ATRNL1: variants seen among roughly 807,000 people sequenced by gnomAD.
ATRNL1 encodes attractin like 1, also known as attractin-like protein 1.
In ATRNL1, 95 loss-of-function variants were observed where a neutral mutation model predicts 182.7. That is an observed-to-expected ratio of 0.52 (90% CI 0.44 to 0.62). ATRNL1 has a LOEUF of 0.62. Ranked by LOEUF, ATRNL1 falls within the 20% of genes least tolerant of loss-of-function variation. ATRNL1 has a pLI of 0.00. For missense variants in ATRNL1, 1,471 were observed against 1,679.5 expected, an observed-to-expected ratio of 0.88 and a Z score of 2.17; for synonymous variants, 576 against 568.3, an observed-to-expected ratio of 1.01 and a Z score of -0.19.
At chr10:115,583,047 G>A (rs1351853903) in intron 26 of ATRNL1, among the ~76,000 whole-genome samples, 1 of 149,560 alleles carries the variant, frequency 6.7e-6, no homozygotes, top group African/African-American at 2.4e-5. Context: ...TCAAAGATCA[G>A]ATAGTTGTAC....
intron 18 of ATRNL1, among the ~76,000 whole-genome samples, chr10:115,316,498 G>T (rs1554929735): frequency 6.6e-6 from 1 of 151,816 alleles, no homozygotes; most frequent in African/African-American, 2.4e-5. Flanking sequence ...TGGGTCAAAT[G>T]GTATTTCTGG....
chr10:115,096,400 A>C (rs1205895882), intron 1 of ATRNL1, among the ~76,000 whole-genome samples: 1 of 152,214 alleles, frequency 6.6e-6, no homozygotes, highest in Non-Finnish European at 1.5e-5. Flanking sequence ...AAGTACATGC[A>C]AATAAACCTA....
In ATRNL1 at chr10:115,218,932, T is replaced by G. The variant is rs139197110; in HGVS notation, c.1532+3052T>G. On this transcript the variant is annotated intron_variant, in intron 9 of 28. Coordinates refer to ENST00000355044, the MANE Select transcript of ATRNL1 (RefSeq NM_207303.4). ...CCCACCTTTAGAAAGCCACCTCACT[T>G]CTGTGTATAAGAGAAGACATGCGGC... Among the ~76,000 whole-genome samples the G allele has an allele frequency of 3.9e-4, 59 of 152,152 alleles. No homozygotes were observed. In the East Asian group the frequency reaches 0.01, roughly 26 times the overall value.
At chr10:115,770,242 T>A (rs1403838907) in intron 27 of ATRNL1, among the ~76,000 whole-genome samples, 2 of 152,092 alleles carry the variant, frequency 1.3e-5, no homozygotes, top group African/African-American at 2.4e-5. Flanking sequence ...AAATTGCTAT[T>A]TTAAGCCTAA....
chr10:115,544,551 A>G (rs1554993068), intron 25 of ATRNL1, among the ~76,000 whole-genome samples: 1 of 152,162 alleles, frequency 6.6e-6, no homozygotes, highest in Non-Finnish European at 1.5e-5. Context: ...AGGAAGGAGA[A>G]GTGCCACACA....
chr10:115,486,330 C>T (rs1366236048), intron 24 of ATRNL1, among the ~76,000 whole-genome samples: 2 of 152,110 alleles, frequency 1.3e-5, no homozygotes, highest in East Asian at 1.9e-4. Flanking sequence ...CACTGTCTTC[C>T]ACAATGGTTG....
intron 25 of ATRNL1, 50 bp from the exon 26 acceptor site, chr10:115,549,408 C>A (rs781995956): frequency 3.0e-5 from 42 of 1,384,510 alleles, no homozygotes; most frequent in Non-Finnish European, 3.7e-5. Flanking sequence ...TTTTTCATTA[C>A]ATAGTTCAAA....
chr10:115,550,792 A>T (rs1471390685), intron 26 of ATRNL1, among the ~76,000 whole-genome samples: 2 of 151,812 alleles, frequency 1.3e-5, no homozygotes, highest in Non-Finnish European at 1.5e-5. Flanking sequence ...GAAAAATCAT[A>T]ATTATAGGCA....
Position 115,878,771 on chromosome 10 carries a change from CT to C in ATRNL1, c.4018+30781del, listed in dbSNP as rs535841702. Reference sequence around the variant, plus strand: ...TTAATACCATGTAATACTAGTGCCCCTGATACTGTGTATAAATGAGGCATAC... The same window carrying C: ...TTAATACCATGTAATACTAGTGCCCCGATACTGTGTATAAATGAGGCATAC... On this transcript the variant is annotated intron_variant, in intron 28 of 28. Coordinates refer to ENST00000355044, the MANE Select transcript of ATRNL1 (RefSeq NM_207303.4). Among the ~76,000 whole-genome samples, 762 of 152,232 alleles carry C rather than the reference CT, an allele frequency of 5.0e-3. 6 individuals are homozygous for C. Among genetic ancestry groups the C allele is most frequent in the African/African-American group, 0.018 (729 of 41,532 alleles).
At chr10:115,818,705 A>G (rs1235175990) in intron 27 of ATRNL1, among the ~76,000 whole-genome samples, 1 of 152,124 alleles carries the variant, frequency 6.6e-6, no homozygotes, top group Non-Finnish European at 1.5e-5. Context: ...TCACACTACC[A>G]GGAATCTCCT....
intron 27 of ATRNL1, among the ~76,000 whole-genome samples, chr10:115,758,272 C>T (rs1416443129): frequency 3.3e-5 from 5 of 152,150 alleles, no homozygotes; most frequent in African/African-American, 1.2e-4. Context: ...AGCCTTTTTG[C>T]ACTGGTTTCT....
At chr10:115,944,104 G>C (rs1476011147) in intron 28 of ATRNL1, among the ~76,000 whole-genome samples, 2 of 151,676 alleles carry the variant, frequency 1.3e-5, no homozygotes, top group Non-Finnish European at 2.9e-5. Context: ...ATACTGTAAT[G>C]GTGGATACCC....
intron 27 of ATRNL1, among the ~76,000 whole-genome samples, chr10:115,834,588 G>A (rs1950627780): frequency 6.6e-6 from 1 of 152,156 alleles, no homozygotes; most frequent in Non-Finnish European, 1.5e-5. Flanking sequence ...AATATGATCA[G>A]TTTCTACTTG....
chr10:115,898,844 C>T (rs1952274309), intron 28 of ATRNL1, among the ~76,000 whole-genome samples: 2 of 151,976 alleles, frequency 1.3e-5, no homozygotes, highest in African/African-American at 4.8e-5. Flanking sequence ...TGGCAGTTTT[C>T]ACTGACATGA....
At chr10:115,350,926 T>TC (rs1856219800) in intron 19 of ATRNL1, among the ~76,000 whole-genome samples, 1 of 152,188 alleles carries the variant, frequency 6.6e-6, no homozygotes, top group African/African-American at 2.4e-5. Flanking sequence ...CTTTTTTGTG[T>TC]CCTTTTCAAT....
chr10:115,353,274 A>G (rs139234786), intron 19 of ATRNL1, among the ~76,000 whole-genome samples: 6 of 152,266 alleles, frequency 3.9e-5, no homozygotes, highest in African/African-American at 1.4e-4. Flanking sequence ...AATATTTGCA[A>G]TTTTAATATT....
At chr10:115,693,959 T>A (rs1555048972) in intron 26 of ATRNL1, among the ~76,000 whole-genome samples, 1 of 152,070 alleles carries the variant, frequency 6.6e-6, no homozygotes, top group Non-Finnish European at 1.5e-5. Context: ...TACTGGCTTT[T>A]AATTCTCCTG....
intron 8 of ATRNL1, among the ~76,000 whole-genome samples, chr10:115,207,196 A>G (rs541962086): frequency 6.6e-6 from 1 of 152,252 alleles, no homozygotes; most frequent in African/African-American, 2.4e-5. Flanking sequence ...TCCTTTGGGT[A>G]TATACCCAGT....
intron 21 of ATRNL1, among the ~76,000 whole-genome samples, chr10:115,447,819 C>T (rs1554966931): frequency 1.3e-5 from 2 of 151,816 alleles, no homozygotes; most frequent in South Asian, 2.1e-4. Flanking sequence ...TAGATTTTTC[C>T]AAATTACACT....
Sources: gnomAD v4.1 joint callset for allele counts (sites outside exome capture counted in the v4.1 genomes callset) on GRCh38, gnomAD v4.1.1 for gene constraint, MANE v1.5 for transcripts, NCBI Gene and HGNC (gene_info 2026-07-23, HGNC 2026-07-21) for gene names.